The following GPC6 variants were observed in gnomAD, a reference collection of about 807,000 sequenced individuals.
GPC6 encodes glypican-6.
GPC6 carries 14 observed loss-of-function variants against 55.2 expected under a neutral mutation model. That is an observed-to-expected ratio of 0.25 (90% confidence interval 0.17 to 0.40). The LOEUF (loss-of-function observed/expected upper bound fraction) is 0.40. GPC6 is among the 10% of genes least tolerant of loss of function. The pLI is 1.00. For synonymous variants in GPC6, 278 were observed against 259.6 expected (o/e 1.07, Z -0.68); for missense variants, 641 against 708.5 (o/e 0.90, Z 1.08).
intron 2 of GPC6, among the ~76,000 whole-genome samples, chr13:93,738,212 G>A (rs1884067293): frequency 6.6e-6 from 1 of 152,112 alleles, no homozygotes; most frequent in African/African-American, 2.4e-5. Flanking sequence ...GAATGTCTGA[G>A]TGGATATATA....
At chr13:94,330,612 C>T (rs942022978) in intron 6 of GPC6, among the ~76,000 whole-genome samples, 14 of 152,150 alleles carry the variant, frequency 9.2e-5, no homozygotes, top group African/African-American at 3.1e-4. Context: ...CTACCCCAGG[C>T]CTGCAGCATC....
intron 3 of GPC6, among the ~76,000 whole-genome samples, chr13:93,935,187 T>C (rs1246012074): frequency 2.0e-5 from 3 of 152,136 alleles, no homozygotes; most frequent in Non-Finnish European, 4.4e-5. Flanking sequence ...ATGATAAGGA[T>C]TGAACTTCAA....
chr13:93,251,738 G>C (rs530738180), intron 1 of GPC6, among the ~76,000 whole-genome samples: 31 of 152,144 alleles, frequency 2.0e-4, no homozygotes, highest in Non-Finnish European at 4.1e-4. Flanking sequence ...TCCTTGTTCA[G>C]CAACAGGGAG....
intron 2 of GPC6, among the ~76,000 whole-genome samples, chr13:93,769,294 C>T (rs1387881390): frequency 6.6e-6 from 1 of 152,038 alleles, no homozygotes; most frequent in Non-Finnish European, 1.5e-5. Flanking sequence ...AGTTTAATAG[C>T]AAGAAGGAAT....
intron 1 of GPC6, among the ~76,000 whole-genome samples, chr13:93,238,043 A>G (rs924893049): frequency 1.3e-5 from 2 of 151,860 alleles, no homozygotes; most frequent in Non-Finnish European, 2.9e-5. Flanking sequence ...TGCTTTGGCT[A>G]CTCGGGCTCT....
chr13:93,878,782 A>G (rs1281265888), intron 3 of GPC6, among the ~76,000 whole-genome samples: 1 of 152,032 alleles, frequency 6.6e-6, no homozygotes, highest in African/African-American at 2.4e-5. Flanking sequence ...GGTATTTTGA[A>G]CTTGGACTAC....
At chr13:94,141,595 G>A (rs1201430314) in intron 4 of GPC6, among the ~76,000 whole-genome samples, 1 of 152,126 alleles carries the variant, frequency 6.6e-6, no homozygotes, top group East Asian at 1.9e-4. Context: ...TTTCTCTGGG[G>A]CCCCCTTGAC....
At chr13:94,130,538 G>A (rs1886971749) in intron 4 of GPC6, among the ~76,000 whole-genome samples, 1 of 152,132 alleles carries the variant, frequency 6.6e-6, no homozygotes, top group South Asian at 2.1e-4. Flanking sequence ...CTTCAAGATT[G>A]TCAAGAGGAA....
intron 1 of GPC6, among the ~76,000 whole-genome samples, chr13:93,418,048 C>T (rs1012653227): frequency 2.0e-5 from 3 of 151,952 alleles, no homozygotes; most frequent in Non-Finnish European, 2.9e-5. Flanking sequence ...CTTGGAAATA[C>T]AAACAATTCA....
At chr13:94,044,907 C>A (rs181642837) in intron 4 of GPC6, among the ~76,000 whole-genome samples, 15 of 151,464 alleles carry the variant, frequency 9.9e-5, no homozygotes, top group African/African-American at 3.6e-4. Flanking sequence ...CTTTTTTTAA[C>A]GTGCCGTATC....
intron 2 of GPC6, among the ~76,000 whole-genome samples, chr13:93,658,020 C>T (rs762169186): frequency 6.6e-6 from 1 of 151,992 alleles, no homozygotes; most frequent in Non-Finnish European, 1.5e-5. Flanking sequence ...ATTAGTTCAG[C>T]CACTGCAGAA....
chr13:94,275,609 G>C (rs1482605844), intron 4 of GPC6, among the ~76,000 whole-genome samples: 1 of 151,958 alleles, frequency 6.6e-6, no homozygotes, highest in Non-Finnish European at 1.5e-5. Context: ...AAAAATTTCT[G>C]CATAGCAAAA....
chr13:93,300,740 C>T (rs1878648177), intron 1 of GPC6, among the ~76,000 whole-genome samples: 1 of 151,900 alleles, frequency 6.6e-6, no homozygotes, highest in Admixed American at 6.6e-5. Context: ...AGAAAACTGG[C>T]TTGGCATGGT....
chr13:94,290,911 A>G (rs2139092235), intron 5 of GPC6, among the ~76,000 whole-genome samples: 1 of 152,222 alleles, frequency 6.6e-6, no homozygotes, highest in African/African-American at 2.4e-5. Context: ...ATATAGGGAG[A>G]CCGGGCATGG....
intron 3 of GPC6, among the ~76,000 whole-genome samples, chr13:93,978,719 A>C (rs181149074): frequency 9.2e-5 from 14 of 152,184 alleles, no homozygotes; most frequent in Non-Finnish European, 1.3e-4. Flanking sequence ...CCTTCTCTCA[A>C]CTGAGGTTTT....
chr13:93,862,748 C>G (rs1207834443), intron 3 of GPC6, among the ~76,000 whole-genome samples: 1 of 151,672 alleles, frequency 6.6e-6, no homozygotes, highest in Non-Finnish European at 1.5e-5. Context: ...TCCCCGTTGA[C>G]AGTTATTATT....
rs539059398 is a variant in GPC6, at chr13:93,904,781, T to C, written c.711+74236T>C. ...ATGTGATCTCTACTTTTTTTAAAATTTATTATTGTTATACTTTAAGTTTTA... is the reference window on the plus strand; with the variant it reads ...ATGTGATCTCTACTTTTTTTAAAATCTATTATTGTTATACTTTAAGTTTTA... On this transcript the variant is annotated intron_variant, in intron 3 of 8. Transcript: ENST00000377047. Among the ~76,000 whole-genome samples, 19 of 152,130 alleles carry C rather than the reference T, an allele frequency of 1.2e-4. 1 individual carries two copies. The highest frequency in any genetic ancestry group is 4.3e-4 in the African/African-American group (18 of 41,510).
At chr13:94,032,020 A>G (rs1883159970) in intron 4 of GPC6, among the ~76,000 whole-genome samples, 1 of 152,202 alleles carries the variant, frequency 6.6e-6, no homozygotes, top group Non-Finnish European at 1.5e-5. Flanking sequence ...GTTGCCAATG[A>G]GGAGAGGCAA....
chr13:94,251,372 G>T (rs755110465), intron 4 of GPC6, among the ~76,000 whole-genome samples: 22 of 151,618 alleles, frequency 1.5e-4, no homozygotes, highest in Non-Finnish European at 2.4e-4. Context: ...AAACCTAGAT[G>T]ACGGGTTGAT....
Sources: allele counts gnomAD v4.1 joint callset (sites outside exome capture counted in the v4.1 genomes callset), GRCh38; gene constraint gnomAD v4.1.1; transcripts MANE v1.5; gene names NCBI Gene and HGNC (gene_info 2026-07-23, HGNC 2026-07-21).